Variants in CDIN1 observed in about 807,000 individuals in gnomAD.
CDIN1 encodes CDAN1 interacting nuclease 1.
CDIN1 carries 33 observed loss-of-function variants against 45.3 expected under a neutral mutation model. The ratio of observed to expected loss-of-function variants is 0.73; its 90% CI spans 0.55 to 0.97. The LOEUF is 0.97. Among genes scored for constraint, CDIN1 ranks in the 50% least tolerant of loss-of-function variants. CDIN1 has a pLI of 0.00. For synonymous variants in CDIN1, 118 were observed against 124.4 expected (o/e 0.95, Z 0.34); for missense variants, 303 against 339.4 (o/e 0.89, Z 0.84).
At chr15:36,653,858 G>A (rs552080308) in intron 3 of CDIN1, among the ~76,000 whole-genome samples, 4 of 152,306 alleles carry the variant, frequency 2.6e-5, no homozygotes, top group African/African-American at 9.6e-5. Flanking sequence ...GAAAACAAGG[G>A]AGACCTAAGT....
intron 10 of CDIN1, chr15:36,746,976 C>T: frequency 2.5e-6 from 1 of 398,140 alleles, no homozygotes; most frequent in Non-Finnish European, 4.4e-6. Context: ...TGTGGAACTC[C>T]TGGGCTCAGC....
At position 36,789,769 on chromosome 15, in the gene CDIN1, G is replaced by C. The variant is rs1055463039; in HGVS notation, c.717-18555G>C. On this transcript the variant is annotated intron_variant, in intron 10 of 10. Transcript: ENST00000566621. ...ATCCTCTTCTGAAATGTCTGTTCTT[G>C]TGCTGGAAGGTTTGAGAGCAGCAAC... 9.9e-5 allele frequency among the ~76,000 whole-genome samples: 15 copies of C among 152,110 alleles called. 1 individual carries two copies. The highest frequency in any genetic ancestry group is 6.4e-3 in the Middle Eastern group (2 of 314).
chr15:36,745,957 C>T (rs909909413), intron 10 of CDIN1, among the ~76,000 whole-genome samples: 3 of 151,832 alleles, frequency 2.0e-5, no homozygotes, highest in Non-Finnish European at 4.4e-5. Flanking sequence ...CAGAGTGAGA[C>T]GCCATCTCCA....
intron 10 of CDIN1, among the ~76,000 whole-genome samples, chr15:36,735,511 A>C (rs2043985632): frequency 6.6e-6 from 1 of 152,080 alleles, no homozygotes; most frequent in Admixed American, 6.5e-5. Flanking sequence ...TTTTTATTTG[A>C]GATTAATTTC....
At chr15:36,695,782 G>A (rs2042401919) in intron 7 of CDIN1, among the ~76,000 whole-genome samples, 1 of 151,820 alleles carries the variant, frequency 6.6e-6, no homozygotes, top group Admixed American at 6.6e-5. Flanking sequence ...AGGAGACAGA[G>A]GTTGCAGTGA....
chr15:36,720,084 G>T, intron 10 of CDIN1, among the ~76,000 whole-genome samples: 1 of 148,812 alleles, frequency 6.7e-6, no homozygotes. Flanking sequence ...ATTAAATATT[G>T]ATTTTCTTTT....
intron 9 of CDIN1, 125 bp from the exon 10 acceptor site, chr15:36,709,731 T>C (rs1178069191): frequency 6.1e-6 from 4 of 651,664 alleles, no homozygotes; most frequent in Non-Finnish European, 8.2e-6. Flanking sequence ...GTAATTACAT[T>C]TATAGATGAT....
At chr15:36,613,596 G>C in intron 1 of CDIN1, 1 of 1,467,200 alleles carries the variant, frequency 6.8e-7, no homozygotes, top group South Asian at 1.1e-5. Flanking sequence ...AGGCGGGCCC[G>C]GGAACAGGCT....
intron 3 of CDIN1, chr15:36,648,825 TA>T (rs1217489782): frequency 1.3e-5 from 2 of 152,224 alleles, no homozygotes; most frequent in African/African-American, 4.8e-5. Flanking sequence ...TATATGTAAT[TA>T]TTGGTGCAAA....
intron 1 of CDIN1, among the ~76,000 whole-genome samples, chr15:36,611,013 T>C (rs892658752): frequency 6.6e-5 from 10 of 152,128 alleles, no homozygotes; most frequent in Non-Finnish European, 1.2e-4. Flanking sequence ...GTTACAAGAG[T>C]GATGATGCTT....
chr15:36,753,082 G>T (rs1482800639), intron 10 of CDIN1, among the ~76,000 whole-genome samples: 3 of 152,108 alleles, frequency 2.0e-5, no homozygotes, highest in African/African-American at 7.2e-5. Context: ...CTGCTTTTTT[G>T]TGCAAGCCTT....
At chr15:36,793,129 T>C (rs1483134981) in intron 10 of CDIN1, among the ~76,000 whole-genome samples, 1 of 152,152 alleles carries the variant, frequency 6.6e-6, no homozygotes, top group Non-Finnish European at 1.5e-5. Flanking sequence ...AGTTAAGTGC[T>C]TCCTTCTCTG....
At chr15:36,617,252 A>T in intron 1 of CDIN1, 1 of 943,886 alleles carries the variant, frequency 1.1e-6, no homozygotes, top group South Asian at 1.3e-5. Context: ...GCTCATCCTG[A>T]GGTTAATGCA....
intron 1 of CDIN1, among the ~76,000 whole-genome samples, chr15:36,594,242 T>C (rs2037713494): frequency 6.6e-6 from 1 of 152,174 alleles, no homozygotes; most frequent in African/African-American, 2.4e-5. Context: ...ATAAAAGTAT[T>C]AAAACAGGTG....
intron 10 of CDIN1, among the ~76,000 whole-genome samples, chr15:36,735,621 T>C (rs2043990664): frequency 6.6e-6 from 1 of 152,174 alleles, no homozygotes; most frequent in African/African-American, 2.4e-5. Flanking sequence ...CTTATTGCAC[T>C]TTTAAAATTT....
intron 10 of CDIN1, 137 bp downstream of exon 10, chr15:36,710,098 A>C: frequency 1.9e-6 from 1 of 526,820 alleles, no homozygotes; most frequent in South Asian, 4.4e-5. Flanking sequence ...TAATGTATTC[A>C]TTTCAGATAA....
At chr15:36,623,333 T>G (rs2039284190) in intron 1 of CDIN1, among the ~76,000 whole-genome samples, 1 of 152,240 alleles carries the variant, frequency 6.6e-6, no homozygotes, top group Non-Finnish European at 1.5e-5. Context: ...TTTTAGATCT[T>G]GAGCATATTC....
intron 10 of CDIN1, among the ~76,000 whole-genome samples, chr15:36,781,000 G>A (rs145552971): frequency 1.2e-4 from 19 of 152,240 alleles, no homozygotes; most frequent in African/African-American, 4.1e-4. Flanking sequence ...GTCCAAGGAC[G>A]CCCCAAAGTC....
intron 1 of CDIN1, among the ~76,000 whole-genome samples, chr15:36,619,964 T>C (rs2039091184): frequency 6.6e-6 from 1 of 152,146 alleles, no homozygotes; most frequent in African/African-American, 2.4e-5. Context: ...CTTACTAATA[T>C]TTCCTTCAAC....
Sources: allele counts gnomAD v4.1 joint callset (sites outside exome capture counted in the v4.1 genomes callset), GRCh38; gene constraint gnomAD v4.1.1; transcripts MANE v1.5; gene names NCBI Gene and HGNC (gene_info 2026-07-23, HGNC 2026-07-21).